Variants in SYN3 observed in about 807,000 individuals in gnomAD.
SYN3 encodes synapsin III, also known as synapsin-3.
A neutral mutation model predicts 65.8 loss-of-function variants in SYN3; 35 were observed. The ratio of observed to expected loss-of-function variants is 0.53; its 90% confidence interval spans 0.41 to 0.70. The LOEUF (loss-of-function observed/expected upper bound fraction) is 0.70. SYN3 is among the 30% of genes least tolerant of loss of function. SYN3 has a pLI of 0.00. For missense variants in SYN3, 680 were observed against 749.0 expected, an observed-to-expected ratio of 0.91 and a Z score of 1.08; for synonymous variants, 270 against 292.9, an observed-to-expected ratio of 0.92 and a Z score of 0.80.
chr22:32,530,059 G>A (rs993713486), intron 10 of SYN3: 8 of 152,190 alleles, frequency 5.3e-5, no homozygotes, highest in Admixed American at 3.9e-4. Flanking sequence ...GGTTTCACAC[G>A]GGACAGCTTA....
intron 6 of SYN3, among the ~76,000 whole-genome samples, chr22:32,752,664 T>C (rs1488029198): frequency 1.3e-5 from 2 of 152,136 alleles, no homozygotes; most frequent in African/African-American, 4.8e-5. Flanking sequence ...GGGCATCCTA[T>C]TTCTTTTATT....
Position 32,551,872 on chromosome 22 carries a change from T to C in SYN3, c.775-10159A>G, listed in dbSNP as rs184526237. Among the ~76,000 whole-genome samples, 326 of 152,178 alleles carry C rather than the reference T, an allele frequency of 2.1e-3. 2 individuals are homozygous for C. The highest frequency in any genetic ancestry group is 7.7e-3 in the African/African-American group (318 of 41,504). ...TTGCCAAGGACTTGGGGGAGAGGAA[T>C]GGGTAGTCACTGCTAATTGATGTGG... On this transcript the variant is annotated intron_variant, in intron 7 of 13. Coordinates refer to ENST00000358763, the MANE Select transcript of SYN3 (RefSeq NM_003490.4).
At chr22:32,626,424 C>T (rs988311309) in intron 6 of SYN3, among the ~76,000 whole-genome samples, 1 of 152,122 alleles carries the variant, frequency 6.6e-6, no homozygotes, top group Admixed American at 6.5e-5. Context: ...TCTGATCGTC[C>T]TGGTAGAAAG....
At position 33,028,919 on chromosome 22, in the gene SYN3, A is replaced by C. The variant is rs1030046934; in HGVS notation, c.-162-22095T>G. On this transcript the variant is annotated intron_variant, in intron 1 of 13. Coordinates refer to ENST00000358763, the MANE Select transcript of SYN3 (RefSeq NM_003490.4). Reference sequence around the variant, plus strand: ...GCCGGGCGTGGTGGCGGGCGCCTGTAGTCCCAGCTACTCGGGAGGCTGAGG... The same window carrying C: ...GCCGGGCGTGGTGGCGGGCGCCTGTCGTCCCAGCTACTCGGGAGGCTGAGG... Among the ~76,000 whole-genome samples the C allele has an allele frequency of 4.6e-5, 7 of 152,210 alleles. 1 individual carries two copies. The highest frequency in any genetic ancestry group is 3.9e-4 in the East Asian group (2 of 5,160).
chr22:32,528,829 C>T, intron 11 of SYN3, 45 bp downstream of exon 11: 3 of 1,611,996 alleles, frequency 1.9e-6, no homozygotes, highest in East Asian at 2.2e-5. Context: ...GACAGCCTGG[C>T]ATTTCTCATG....
At chr22:32,551,100 G>GT (rs1339051136) in intron 7 of SYN3, among the ~76,000 whole-genome samples, 1 of 152,152 alleles carries the variant, frequency 6.6e-6, no homozygotes, top group Non-Finnish European at 1.5e-5. Context: ...TCTCTTTGAT[G>GT]TTTTCTAGCT....
chr22:32,720,056 T>C (rs1239632939), intron 6 of SYN3, among the ~76,000 whole-genome samples: 1 of 152,164 alleles, frequency 6.6e-6, no homozygotes, highest in African/African-American at 2.4e-5. Flanking sequence ...GCCTAGTAAC[T>C]TAGCACACAC....
At chr22:32,517,951 C>T in intron 13 of SYN3, 92 bp downstream of exon 13, 1 of 1,345,130 alleles carries the variant, frequency 7.4e-7, no homozygotes, top group Non-Finnish European at 9.7e-7. Flanking sequence ...GTTGGGTCTT[C>T]CTTTGTCTCC....
intron 3 of SYN3, among the ~76,000 whole-genome samples, chr22:32,951,280 T>C (rs2146825861): frequency 6.6e-6 from 1 of 151,974 alleles, no homozygotes; most frequent in African/African-American, 2.4e-5. Context: ...ACCAAAGGGC[T>C]TCCCTGAGCC....
intron 6 of SYN3, among the ~76,000 whole-genome samples, chr22:32,724,696 G>T (rs532255166): frequency 6.6e-6 from 1 of 152,284 alleles, no homozygotes; most frequent in Admixed American, 6.5e-5. Flanking sequence ...TCAGTCAAGT[G>T]TCGGGGACAG....
At position 32,827,936 on chromosome 22, in the gene SYN3, T is replaced by C. The variant is rs1312363168; in HGVS notation, c.711+36979A>G. On this transcript the variant is annotated intron_variant, in intron 6 of 13. Transcript: ENST00000358763. ...GGTCTCAACTCAAATGTCACCTTCGTAGAGAGGCCTTCCTTGCCTCCCTTC... is the reference window on the plus strand; with the variant it reads ...GGTCTCAACTCAAATGTCACCTTCGCAGAGAGGCCTTCCTTGCCTCCCTTC... Among the ~76,000 whole-genome samples the C allele has an allele frequency of 2.0e-5, 3 of 152,324 alleles. No individual in the cohort carries two copies. The East Asian group carries it at 5.8e-4, about 29-fold the overall frequency.
chr22:32,548,266 G>A (rs1315313968), intron 7 of SYN3, among the ~76,000 whole-genome samples: 1 of 152,216 alleles, frequency 6.6e-6, no homozygotes, highest in Admixed American at 6.5e-5. Flanking sequence ...TGTTGGCCAG[G>A]ACGGTCTTGA....
intron 6 of SYN3, among the ~76,000 whole-genome samples, chr22:32,846,304 C>T (rs927022266): frequency 6.6e-6 from 1 of 152,228 alleles, no homozygotes; most frequent in African/African-American, 2.4e-5. Context: ...TGCTTCTCCA[C>T]CTCTCCCTGA....
intron 6 of SYN3, among the ~76,000 whole-genome samples, chr22:32,683,895 T>C (rs1046267838): frequency 2.4e-4 from 36 of 152,324 alleles, no homozygotes; most frequent in African/African-American, 7.5e-4. Flanking sequence ...AAGCTAACAC[T>C]GCAGTTTCTG....
chr22:33,021,285 A>C (rs915050177), intron 1 of SYN3, among the ~76,000 whole-genome samples: 2 of 152,208 alleles, frequency 1.3e-5, no homozygotes, highest in Non-Finnish European at 2.9e-5. Context: ...CAAGTGCACT[A>C]AAGTGCTTTT....
chr22:32,944,263 C>A, intron 3 of SYN3, among the ~76,000 whole-genome samples: 1 of 152,152 alleles, frequency 6.6e-6, no homozygotes, highest in South Asian at 2.1e-4. Context: ...GACCACAGTG[C>A]AATCAAACTA....
intron 6 of SYN3, among the ~76,000 whole-genome samples, chr22:32,650,519 G>T (rs559927577): frequency 2.0e-5 from 3 of 152,092 alleles, no homozygotes; most frequent in African/African-American, 7.2e-5. Context: ...CCTCATTTCA[G>T]CCTCCCAAAG....
chr22:32,710,377 T>G (rs1285899196), intron 6 of SYN3, among the ~76,000 whole-genome samples: 1 of 151,616 alleles, frequency 6.6e-6, no homozygotes, highest in African/African-American at 2.4e-5. Context: ...ATGCCTGTAA[T>G]TCCAGCAGTT....
intron 6 of SYN3, among the ~76,000 whole-genome samples, chr22:32,611,543 C>T (rs1348397037): frequency 6.6e-6 from 1 of 152,020 alleles, no homozygotes; most frequent in Non-Finnish European, 1.5e-5. Context: ...CTGCCCGCCT[C>T]GGCCTCCCAA....
Sources: gnomAD v4.1 joint callset for allele counts (sites outside exome capture counted in the v4.1 genomes callset) on GRCh38, gnomAD v4.1.1 for gene constraint, MANE v1.5 for transcripts, NCBI Gene and HGNC (gene_info 2026-07-23, HGNC 2026-07-21) for gene names.